Variants in ROS1 observed in about 807,000 individuals in gnomAD.
The protein encoded by ROS1 is ROS proto-oncogene 1, receptor tyrosine kinase, also known as proto-oncogene tyrosine-protein kinase ROS.
Under a neutral mutation model 273.5 loss-of-function variants are expected in ROS1, and 263 were observed. That is an observed-to-expected ratio of 0.96 (90% CI 0.87 to 1.06). The LOEUF is 1.06. Ranked by LOEUF, ROS1 falls within the 50% of genes least tolerant of loss-of-function variation. The probability of loss-of-function intolerance (pLI) is 0.00; values close to 1 mark genes in which losing one functional copy is unlikely to be tolerated. For synonymous variants in ROS1, 1,008 were observed against 954.1 expected, an observed-to-expected ratio of 1.06 and a Z score of -1.04; for missense variants, 2,833 against 2,751.1, an observed-to-expected ratio of 1.03 and a Z score of -0.67.
In ROS1 at chr6:117,385,708, A is replaced by C. The variant is rs745858708; in HGVS notation, c.2264T>G (p.Leu755Arg). The C allele has an allele frequency of 6.2e-7, 1 of 1,614,088 alleles. No individual in the cohort carries two copies. The highest frequency in any genetic ancestry group is 8.5e-7 in the Non-Finnish European group (1 of 1,180,024). ...ALAFEWLGHF[L>R]YWAGKTYVIQ... The stretch of plus-strand genomic sequence containing the variant: ...CACATATGTCTTTCCAGCCCAGTAG[A>C]GAAAGTGACCCAGCCACTCAAAAGC... Residue 755 changes from leucine to arginine, a missense_variant, in exon 16 of 44, where the codon CTC becomes CGC. By Grantham distance (102) the Leu-to-Arg change is moderately radical (BLOSUM62 -2). Transcript: ENST00000368507.
intron 1 of ROS1, among the ~76,000 whole-genome samples, chr6:117,420,394 A>C (rs1463784880): frequency 7.3e-6 from 1 of 137,198 alleles, no homozygotes; most frequent in African/African-American, 2.7e-5. Flanking sequence ...AGGCAGAACT[A>C]ATCTCATTCT....
chr6:117,345,404 C>T (rs1749646600), intron 27 of ROS1, among the ~76,000 whole-genome samples: 1 of 152,226 alleles, frequency 6.6e-6, no homozygotes, highest in Non-Finnish European at 1.5e-5. Context: ...AGTGCACTAG[C>T]CACATGTGAT....
chr6:117,350,687 C>CTTTTTTTTTTTTTTTTTTTCT (rs548987983), intron 27 of ROS1, among the ~76,000 whole-genome samples: 2 of 130,040 alleles, frequency 1.5e-5, no homozygotes, highest in Non-Finnish European at 3.2e-5. Context: ...GGTTTTTTTC[C>CTTTTTTTTTTTTTTTTTTTCT]TTTTTTTTTT....
intron 31 of ROS1, among the ~76,000 whole-genome samples, chr6:117,338,921 C>A (rs17079060): frequency 6.6e-6 from 1 of 152,164 alleles, no homozygotes; most frequent in Middle Eastern, 3.4e-3. Flanking sequence ...GAGTTTGGAA[C>A]TTCAGAAACT....
At chr6:117,296,122 G>C (rs968919011) in intron 43 of ROS1, among the ~76,000 whole-genome samples, 4 of 152,184 alleles carry the variant, frequency 2.6e-5, no homozygotes, top group African/African-American at 9.7e-5. Context: ...GATAGGCCAG[G>C]CTCAGTTGCT....
At position 117,341,459 on chromosome 6, in the gene ROS1, T is replaced by C. The variant is rs1456345928; in HGVS notation, c.4825A>G (p.Asn1609Asp). 8 of 1,613,928 alleles carry C rather than the reference T, an allele frequency of 5.0e-6. No homozygotes were observed. The highest frequency in any genetic ancestry group is 5.9e-6 in the Non-Finnish European group (7 of 1,179,830). ...GTAACAAGGAGAGTGAGCCTTCCATTTGGAAATTCACTTTGTCTTAGAGGA... is the reference window on the plus strand; with the variant it reads ...GTAACAAGGAGAGTGAGCCTTCCATCTGGAAATTCACTTTGTCTTAGAGGA... ...ETPLRQSEFP[N>D]GRLTLLVTRL... is the part of the protein sequence containing the mutation. Residue 1609 changes from asparagine to aspartate, a missense_variant, in exon 30 of 44, where the codon AAT becomes GAT. Asn to Asp is a conservative substitution (Grantham distance 23). Transcript: ENST00000368507.
Position 117,288,015 on chromosome 6 carries a change from G to C in ROS1, c.*477C>G, listed in dbSNP as rs1447780698. 6.6e-6 allele frequency among the ~76,000 whole-genome samples: 1 copy of C among 151,972 alleles called. No homozygotes were observed. Among genetic ancestry groups the C allele is most frequent in the Non-Finnish European group, 1.5e-5 (1 of 67,984 alleles). ...CAAGTCACAGGTGCTGGTTTCTTCT[G>C]TATGTGTGAAATTATTTCTCATTTC... is the stretch of plus-strand genomic sequence containing the variant. On this transcript the variant is annotated 3_prime_UTR_variant, in exon 44 of 44. Coordinates refer to ENST00000368507, the MANE Select transcript of ROS1 (RefSeq NM_001378902.1).
chr6:117,425,503 G>A (rs1252072899), intron 1 of ROS1, 31 bp downstream of exon 1: 1 of 1,557,092 alleles, frequency 6.4e-7, no homozygotes, highest in Admixed American at 2.2e-5. Flanking sequence ...TCTAGTTCCT[G>A]CAAAGACAAA....
At chr6:117,409,665 C>A in intron 4 of ROS1, 23 bp from the exon 5 acceptor site, 1 of 1,605,564 alleles carries the variant, frequency 6.2e-7, no homozygotes, top group Non-Finnish European at 8.5e-7. Context: ...GGGAGCATGA[C>A]AGTCAGGGCA....
rs529038 is a variant in ROS1 at position 117,301,070 on chromosome 6, C to T, written c.6619G>A (p.Asp2207Asn). ...AAATTTCTGAATAACTGAAGTTGGT[C>T]CTGAATTCTATGAAAAGTAGGTCTT... ...DQRPTFHRIQ[D>N]QLQLFRNFFL... The change falls in exon 43 of 44, where the codon GAC (aspartate) becomes AAC (asparagine). Residue 2207 changes from aspartate (D) to asparagine (N), a missense_variant. Physicochemically the swap from Asp to Asn is conservative, Grantham distance 23. Transcript: ENST00000368507. 377,988 of 1,602,860 alleles carry T rather than the reference C, an allele frequency of 0.24. 47,546 individuals carry two copies. Among genetic ancestry groups the T allele is most frequent in the Non-Finnish European group, 0.26 (307,909 of 1,174,762 alleles).
chr6:117,351,115 G>A (rs1238413356), intron 27 of ROS1, among the ~76,000 whole-genome samples: 3 of 152,166 alleles, frequency 2.0e-5, no homozygotes, highest in Non-Finnish European at 4.4e-5. Flanking sequence ...CTTTAGTAAT[G>A]CGGTGGTAAG....
chr6:117,319,916 T>A lies in ROS1; in HGVS notation c.5874A>T (p.Ala1958=), dbSNP rs373774636. The A allele has an allele frequency of 5.6e-5, 90 of 1,613,366 alleles. No individual in the cohort carries two copies. The highest frequency in any genetic ancestry group is 7.1e-5 in the Non-Finnish European group (84 of 1,179,552). ...GAFGEVYEGT[A]VDILGVGSGE... ...CACTTCCAACTCCTAAGATGTCCACTGCTGTTCCTTCATACACTTCTCCAA... is the reference window on the plus strand; with the variant it reads ...CACTTCCAACTCCTAAGATGTCCACAGCTGTTCCTTCATACACTTCTCCAA... Residue 1958 remains alanine, a synonymous_variant, in exon 37 of 44, where the codon GCA becomes GCT. Transcript: ENST00000368507.
At chr6:117,404,486 T>G (rs1483932040) in intron 5 of ROS1, 58 bp from the exon 6 acceptor site, 18 of 1,503,580 alleles carry the variant, frequency 1.2e-5, no homozygotes, top group Non-Finnish European at 1.6e-5. Flanking sequence ...CGCAAGAGAG[T>G]GTGTGCCTCT....
chr6:117,394,411 A>G, intron 10 of ROS1, 65 bp from the exon 11 acceptor site: 1 of 1,090,356 alleles, frequency 9.2e-7, no homozygotes, highest in Non-Finnish European at 1.2e-6. Context: ...ACTTGTATGA[A>G]TGAGAATTTA....
rs1462459324 is a variant in ROS1, at chr6:117,404,403, G to A, written c.342C>T (p.Pro114=). The change falls in exon 6 of 44, where the codon CCC becomes CCT. Residue 114 remains proline (P), a synonymous_variant. Transcript: ENST00000368507. ...TGTGGCTTCCAATGGAAGAAGCAAAGGGAGCAGTTGGTAGGTCTGCATTTT... is the reference window on the plus strand; with the variant it reads ...TGTGGCTTCCAATGGAAGAAGCAAAAGGAGCAGTTGGTAGGTCTGCATTTT... ...VLENADLPTA[P]FASSIGSHNM... is the part of the protein sequence containing the mutation. 3.1e-6 allele frequency: 5 copies of A among 1,613,694 alleles called. No homozygotes were observed. In the Admixed American group the frequency reaches 6.7e-5, roughly 22 times the overall value.
intron 34 of ROS1, among the ~76,000 whole-genome samples, chr6:117,325,092 G>A (rs779574754): frequency 1.8e-4 from 27 of 152,180 alleles, no homozygotes; most frequent in Admixed American, 1.4e-3. Context: ...TTCAGAAAAA[G>A]TTTGCTGAGC....
At chr6:117,364,495 C>T (rs1046328971) in intron 21 of ROS1, among the ~76,000 whole-genome samples, 1 of 152,144 alleles carries the variant, frequency 6.6e-6, no homozygotes, top group African/African-American at 2.4e-5. Context: ...TTCCTACCCA[C>T]CTCAGAGCTC....
At chr6:117,359,594 A>G (rs891988875) in intron 24 of ROS1, among the ~76,000 whole-genome samples, 1 of 152,170 alleles carries the variant, frequency 6.6e-6, no homozygotes, top group Non-Finnish European at 1.5e-5. Flanking sequence ...CTAACACAGC[A>G]TCCTAAACCC....
At chr6:117,403,755 A>T (rs1177045918) in intron 6 of ROS1, among the ~76,000 whole-genome samples, 1 of 152,176 alleles carries the variant, frequency 6.6e-6, no homozygotes. Flanking sequence ...GGAATAGTAT[A>T]TATGTCCAAC....
Sources: gnomAD v4.1 joint callset for allele counts (sites outside exome capture counted in the v4.1 genomes callset) on GRCh38, gnomAD v4.1.1 for gene constraint, MANE v1.5 for transcripts, NCBI Gene and HGNC (gene_info 2026-07-23, HGNC 2026-07-21) for gene names.